Variants in CRACDL observed in about 807,000 individuals in gnomAD.
The protein encoded by CRACDL is CRACD like, also known as CRACD-like protein.
Under a neutral mutation model 70.6 loss-of-function variants are expected in CRACDL, and 26 were observed. The ratio of observed to expected loss-of-function variants is 0.37; its 90% CI spans 0.27 to 0.51. CRACDL has a LOEUF of 0.51. CRACDL is among the 20% of genes least tolerant of loss of function. CRACDL has a pLI of 0.94. For missense variants in CRACDL, 1,283 were observed against 1,376.9 expected (o/e 0.93, Z 1.08); for synonymous variants, 618 against 615.2 (o/e 1.00, Z -0.07).
chr2:98,895,252 G>C (rs868576393), intron 1 of CRACDL, among the ~76,000 whole-genome samples: 9 of 152,356 alleles, frequency 5.9e-5, no homozygotes, highest in Admixed American at 3.9e-4. Flanking sequence ...TGACAACAGA[G>C]GGAGGGCCTT....
chr2:98,857,366 T>C (rs1706739602), intron 1 of CRACDL, among the ~76,000 whole-genome samples: 1 of 152,166 alleles, frequency 6.6e-6, no homozygotes, highest in African/African-American at 2.4e-5. Context: ...AATATAATTA[T>C]TGGGCCTATG....
At chr2:98,834,088 C>T (rs1705665664) in intron 3 of CRACDL, among the ~76,000 whole-genome samples, 1 of 152,182 alleles carries the variant, frequency 6.6e-6, no homozygotes, top group Non-Finnish European at 1.5e-5. Context: ...ACCTCCCTGC[C>T]AAGGGCAGCT....
intron 6 of CRACDL, among the ~76,000 whole-genome samples, chr2:98,826,136 T>C (rs1447480801): frequency 2.0e-5 from 3 of 152,154 alleles, no homozygotes; most frequent in Non-Finnish European, 4.4e-5. Flanking sequence ...AACCTGCCAG[T>C]AAATGAAGCC....
intron 1 of CRACDL, among the ~76,000 whole-genome samples, chr2:98,896,526 C>T (rs1708129565): frequency 6.6e-6 from 1 of 152,198 alleles, no homozygotes; most frequent in South Asian, 2.1e-4. Context: ...GCAAACTCCA[C>T]AATCTTTTAT....
chr2:98,926,930 C>A (rs1173149498), intron 1 of CRACDL, among the ~76,000 whole-genome samples: 2 of 152,192 alleles, frequency 1.3e-5, no homozygotes, highest in African/African-American at 2.4e-5. Flanking sequence ...CGCAACCCAC[C>A]CACCCTCTCA....
chr2:98,853,160 CACA>C (rs1053782645), intron 1 of CRACDL, among the ~76,000 whole-genome samples: 5 of 152,190 alleles, frequency 3.3e-5, no homozygotes, highest in South Asian at 2.1e-4. Context: ...CCAAGAAAAC[CACA>C]ACAAGGCACA....
chr2:98,933,991 G>A (rs112943047), intron 1 of CRACDL, among the ~76,000 whole-genome samples: 3 of 152,090 alleles, frequency 2.0e-5, no homozygotes, highest in Admixed American at 6.6e-5. Flanking sequence ...TGGAAGGGAC[G>A]AGCGAGCTCC....
At chr2:98,843,118 C>T (rs1359821528) in intron 2 of CRACDL, among the ~76,000 whole-genome samples, 1 of 152,102 alleles carries the variant, frequency 6.6e-6, no homozygotes, top group Non-Finnish European at 1.5e-5. Flanking sequence ...TATCTCATTG[C>T]AGTTTTACTC....
At chr2:98,862,915 A>G (rs1368278501) in intron 1 of CRACDL, among the ~76,000 whole-genome samples, 1 of 152,168 alleles carries the variant, frequency 6.6e-6, no homozygotes, top group Non-Finnish European at 1.5e-5. Flanking sequence ...TGAAATATAC[A>G]TTATATATTT....
chr2:98,869,680 G>A (rs1450975013), intron 1 of CRACDL, among the ~76,000 whole-genome samples: 4 of 152,138 alleles, frequency 2.6e-5, no homozygotes, highest in Admixed American at 1.3e-4. Context: ...AAAACCACCC[G>A]GCCCCTCCTG....
chr2:98,912,470 G>T (rs1383654162), intron 1 of CRACDL, among the ~76,000 whole-genome samples: 2 of 152,192 alleles, frequency 1.3e-5, no homozygotes, highest in African/African-American at 4.8e-5. Context: ...CCGGCAGGCG[G>T]GGGTCACACC....
intron 1 of CRACDL, among the ~76,000 whole-genome samples, chr2:98,860,202 T>C (rs560607145): frequency 8.0e-4 from 121 of 152,170 alleles, no homozygotes; most frequent in Non-Finnish European, 1.4e-3. Context: ...AAGACAATAT[T>C]ATTAAATGGC....
chr2:98,840,096 GTT>G (rs1379707853), intron 2 of CRACDL, among the ~76,000 whole-genome samples: 1 of 151,954 alleles, frequency 6.6e-6, no homozygotes, highest in Non-Finnish European at 1.5e-5. Context: ...TAAACATTTG[GTT>G]TATTACTTTT....
chr2:98,916,280 A>G (rs1054000699), intron 1 of CRACDL, among the ~76,000 whole-genome samples: 6 of 152,354 alleles, frequency 3.9e-5, no homozygotes, highest in Admixed American at 2.6e-4. Context: ...AAATCCTAGG[A>G]AACAGTGTGA....
intron 1 of CRACDL, among the ~76,000 whole-genome samples, chr2:98,853,151 C>G (rs772315319): frequency 6.6e-6 from 1 of 152,036 alleles, no homozygotes; most frequent in Non-Finnish European, 1.5e-5. Context: ...TAGCAAACTC[C>G]AAGAAAACCA....
chr2:98,886,059 C>T (rs1011058781), intron 1 of CRACDL, among the ~76,000 whole-genome samples: 2 of 152,192 alleles, frequency 1.3e-5, no homozygotes, highest in Non-Finnish European at 2.9e-5. Flanking sequence ...CCATATTTCA[C>T]TACCCTGCTC....
chr2:98,910,930 G>T (rs1708532578), intron 1 of CRACDL, among the ~76,000 whole-genome samples: 1 of 152,230 alleles, frequency 6.6e-6, no homozygotes, highest in Non-Finnish European at 1.5e-5. Context: ...CAGTAAAAGA[G>T]GGGCTGTTCT....
At chr2:98,829,609 C>T (rs1383831194) in intron 5 of CRACDL, among the ~76,000 whole-genome samples, 1 of 152,148 alleles carries the variant, frequency 6.6e-6, no homozygotes, top group Admixed American at 6.5e-5. Flanking sequence ...ATCTGTGATT[C>T]TGGATGATTC....
intron 1 of CRACDL, among the ~76,000 whole-genome samples, chr2:98,922,059 C>T (rs576234278): frequency 2.6e-5 from 4 of 152,266 alleles, no homozygotes; most frequent in African/African-American, 4.8e-5. Context: ...ACCTAAAGTT[C>T]GTGTTTTTCT....
Sources: gnomAD v4.1 joint callset for allele counts (sites outside exome capture counted in the v4.1 genomes callset) on GRCh38, gnomAD v4.1.1 for gene constraint, MANE v1.5 for transcripts, NCBI Gene and HGNC (gene_info 2026-07-23, HGNC 2026-07-21) for gene names.